SLC25A48: variants seen among roughly 807,000 people sequenced by gnomAD.
SLC25A48 encodes CTC-321K16.1.
In SLC25A48, 29 loss-of-function variants were observed where a neutral mutation model predicts 32.2. The observed-to-expected ratio is 0.90, with a 90% CI of 0.67 to 1.23. SLC25A48 has a LOEUF of 1.23. Among genes scored for constraint, SLC25A48 ranks in the 50% most tolerant of loss-of-function variants. SLC25A48 has a pLI of 0.00. For missense variants in SLC25A48, 399 were observed against 422.7 expected (o/e 0.94, Z 0.49); for synonymous variants, 164 against 172.3 (o/e 0.95, Z 0.38).
chr5:135,881,163 C>T (rs532609028), intron 7 of SLC25A48, among the ~76,000 whole-genome samples: 33 of 152,326 alleles, frequency 2.2e-4, no homozygotes, highest in African/African-American at 5.5e-4. Flanking sequence ...GGCCCCATAC[C>T]GGCTACCTGC....
chr5:135,629,886 G>T lies in SLC25A48; in HGVS notation c.-709+510G>T. On this transcript the variant is annotated intron_variant, in intron 2 of 10. Coordinates refer to the SLC25A48 transcript ENST00000646290. The surrounding 1 kb of genome is among the most constrained non-coding windows in gnomAD (Gnocchi z 4.8). The stretch of plus-strand genomic sequence containing the variant: ...AACTATCAAGAACTTGCCGAAAGTA[G>T]TTGGAAGTCACAGGCATGACATGAG... Among the ~76,000 whole-genome samples the T allele has an allele frequency of 6.6e-6, 1 of 152,214 alleles. No individual in the cohort carries two copies. Among genetic ancestry groups the T allele is most frequent in the East Asian group, 1.9e-4 (1 of 5,186 alleles).
intron 3 of SLC25A48, 50 bp downstream of exon 3, chr5:135,850,546 G>C (rs370415761): frequency 6.3e-7 from 1 of 1,588,522 alleles, no homozygotes; most frequent in African/African-American, 1.3e-5. Flanking sequence ...GCCCCCACAG[G>C]CTGGGGACCA....
At chr5:135,621,507 C>G (rs1752323763) in intron 1 of SLC25A48, among the ~76,000 whole-genome samples, 1 of 151,838 alleles carries the variant, frequency 6.6e-6, no homozygotes, top group Non-Finnish European at 1.5e-5. Context: ...ATGTGTATTC[C>G]AAGGCCTTAA....
At chr5:135,740,635 G>T (rs571373567) in intron 3 of SLC25A48, among the ~76,000 whole-genome samples, 24 of 152,302 alleles carry the variant, frequency 1.6e-4, no homozygotes, top group African/African-American at 5.8e-4. Flanking sequence ...TCCTGAGAAT[G>T]CCGTTTGAGT....
intron 1 of SLC25A48, among the ~76,000 whole-genome samples, chr5:135,589,758 G>T (rs1440045797): frequency 1.3e-5 from 2 of 152,110 alleles, no homozygotes; most frequent in Non-Finnish European, 1.5e-5. Context: ...GCAGTGGCAC[G>T]ATCTTGGCTC....
At chr5:135,862,466 C>T (rs1760874308) in intron 4 of SLC25A48, among the ~76,000 whole-genome samples, 1 of 152,186 alleles carries the variant, frequency 6.6e-6, no homozygotes, top group South Asian at 2.1e-4. Context: ...GTGAACTGTT[C>T]ATTCACAAGC....
At chr5:135,646,427 G>T (rs1278602974) in intron 3 of SLC25A48, among the ~76,000 whole-genome samples, 2 of 151,908 alleles carry the variant, frequency 1.3e-5, no homozygotes, top group Non-Finnish European at 2.9e-5. Flanking sequence ...GTTCCTTCAA[G>T]TTCTGGTGAC....
chr5:135,838,884 C>A (rs1433622416), intron 1 of SLC25A48, among the ~76,000 whole-genome samples: 1 of 152,194 alleles, frequency 6.6e-6, no homozygotes, highest in African/African-American at 2.4e-5. Context: ...TCTGCTAGGG[C>A]AGTGTGGATG....
chr5:135,774,088 G>A (rs948215065), intron 3 of SLC25A48, among the ~76,000 whole-genome samples: 1 of 151,470 alleles, frequency 6.6e-6, no homozygotes, highest in Non-Finnish European at 1.5e-5. Flanking sequence ...CAAATATCCA[G>A]GGGAATGAGA....
intron 6 of SLC25A48, among the ~76,000 whole-genome samples, chr5:135,877,147 G>T (rs564720047): frequency 1.3e-5 from 2 of 152,146 alleles, no homozygotes; most frequent in Non-Finnish European, 2.9e-5. Context: ...CCATGGACTT[G>T]TCGAGGCATC....
chr5:135,646,678 T>TATATATATATAC (rs966073970), intron 3 of SLC25A48, among the ~76,000 whole-genome samples: 23 of 136,754 alleles, frequency 1.7e-4, no homozygotes, highest in African/African-American at 6.3e-4. Context: ...TATATATATA[T>TATATATATATAC]ACAATGGGAA....
chr5:135,588,220 T>C (rs1248216929), intron 1 of SLC25A48, among the ~76,000 whole-genome samples: 1 of 152,190 alleles, frequency 6.6e-6, no homozygotes, highest in Non-Finnish European at 1.5e-5. Flanking sequence ...AGATGAAACA[T>C]TTGGGGGCAG....
intron 3 of SLC25A48, among the ~76,000 whole-genome samples, chr5:135,698,548 A>C (rs1695948158): frequency 6.6e-6 from 1 of 152,188 alleles, no homozygotes; most frequent in Non-Finnish European, 1.5e-5. Flanking sequence ...TAATAATTTG[A>C]GATGGATCAT....
intron 3 of SLC25A48, among the ~76,000 whole-genome samples, chr5:135,659,568 AG>A (rs1286708648): frequency 3.3e-5 from 5 of 152,214 alleles, no homozygotes; most frequent in Non-Finnish European, 5.9e-5. Context: ...TGACATTTTC[AG>A]GTATCTTTAT....
At chr5:135,830,980 C>T (rs564875077), upstream of SLC25A48, among the ~76,000 whole-genome samples, 15 of 152,242 alleles carry the variant, frequency 9.9e-5, no homozygotes, top group Admixed American at 4.6e-4. Context: ...GCAACCAGGT[C>T]GTGACCTCCT....
rs1755404857 is a variant in SLC25A48 at position 135,737,579 on chromosome 5, A to C, written c.-520-74944A>C. 4.6e-5 allele frequency among the ~76,000 whole-genome samples: 7 copies of C among 152,296 alleles called. No homozygotes were observed. The South Asian group carries it at 1.5e-3, about 32-fold the overall frequency. ...GAATGATGGTTTAGATTAAACTTTC[A>C]AAACAGAAACTTAAAGATGGAAACC... On this transcript the variant is annotated intron_variant, in intron 3 of 10. Transcript: ENST00000646290.
intron 3 of SLC25A48, among the ~76,000 whole-genome samples, chr5:135,790,811 G>A (rs1325602538): frequency 7.1e-6 from 1 of 140,110 alleles, no homozygotes; most frequent in Non-Finnish European, 1.6e-5. Flanking sequence ...AATCCTTGGT[G>A]GATGTTACTC....
intron 1 of SLC25A48, among the ~76,000 whole-genome samples, chr5:135,837,860 T>G (rs1210553060): frequency 6.6e-6 from 1 of 152,224 alleles, no homozygotes; most frequent in Non-Finnish European, 1.5e-5. Context: ...AGAATAAGAA[T>G]GGACTAATAC....
At chr5:135,747,183 T>C (rs1031823777) in intron 3 of SLC25A48, among the ~76,000 whole-genome samples, 15 of 152,042 alleles carry the variant, frequency 9.9e-5, no homozygotes, top group African/African-American at 3.1e-4. Flanking sequence ...GACCATCTTC[T>C]TCCCTATCAG....
Sources: gnomAD v4.1 joint callset for allele counts (sites outside exome capture counted in the v4.1 genomes callset) on GRCh38, gnomAD v4.1.1 for gene constraint, Gnocchi (gnomAD v3.1) non-coding constraint, MANE v1.5 for transcripts, NCBI Gene and HGNC (gene_info 2026-07-23, HGNC 2026-07-21) for gene names.